YTHDF2: variants seen among roughly 807,000 people sequenced by gnomAD.
The protein encoded by YTHDF2 is YTH domain-containing family protein 2.
A neutral mutation model predicts 50.4 loss-of-function variants in YTHDF2; 2 were observed. That is an observed-to-expected ratio of 0.04 (90% CI 0.02 to 0.12). YTHDF2 has a LOEUF of 0.12. Ranked by LOEUF, YTHDF2 falls within the 10% of genes least tolerant of loss-of-function variation. The probability of loss-of-function intolerance (pLI) is 1.00; values close to 1 mark genes in which losing one functional copy is unlikely to be tolerated. For synonymous variants in YTHDF2, 217 were observed against 255.6 expected (o/e 0.85, Z 1.44); for missense variants, 483 against 722.6 (o/e 0.67, Z 3.80).
At chr1:28,745,497 G>GCTGAGGTGGGCAGATCAC (rs1370969921) in intron 4 of YTHDF2, among the ~76,000 whole-genome samples, 7 of 152,172 alleles carry the variant, frequency 4.6e-5, no homozygotes. Flanking sequence ...ACTTTGGGAG[G>GCTGAGGTGGGCAGATCAC]CTGAGGTGGG....
intron 4 of YTHDF2, among the ~76,000 whole-genome samples, chr1:28,754,496 C>T (rs1172128250): frequency 1.3e-5 from 2 of 151,812 alleles, no homozygotes; most frequent in South Asian, 2.1e-4. Context: ...CGCTACTGCA[C>T]TCCAGCCTGG....
intron 4 of YTHDF2, among the ~76,000 whole-genome samples, chr1:28,744,787 G>A (rs2087833960): frequency 6.6e-6 from 1 of 152,016 alleles, no homozygotes; most frequent in Admixed American, 6.6e-5. Flanking sequence ...CCCCATCTCA[G>A]CTTCGTGACT....
intron 4 of YTHDF2, among the ~76,000 whole-genome samples, chr1:28,748,203 AT>A (rs1403981617): frequency 6.6e-6 from 1 of 151,778 alleles, no homozygotes; most frequent in East Asian, 1.9e-4. Flanking sequence ...CCCAGTTACC[AT>A]TTTAGTTAGT....
chr1:28,738,218 G>T (rs759555737), intron 2 of YTHDF2, 41 bp from the exon 3 acceptor site: 7 of 1,478,006 alleles, frequency 4.7e-6, no homozygotes, highest in Non-Finnish European at 6.6e-6. Flanking sequence ...AAGGAAGATT[G>T]TAGGATTGGG....
At chr1:28,764,811 T>A (rs1273470196) in intron 4 of YTHDF2, among the ~76,000 whole-genome samples, 1 of 152,134 alleles carries the variant, frequency 6.6e-6, no homozygotes, top group Non-Finnish European at 1.5e-5. Context: ...CCTAGAGTGC[T>A]AGGATTACTC....
Position 28,742,413 on chromosome 1 carries a change from A to T in YTHDF2, c.143A>T (p.Tyr48Phe). ...LSPQARPNNA[Y>F]TAMSDSYLPS... ...TTTTTTCTTCCACAGAATAATGCAT[A>T]TACTGCCATGTCAGATTCCTACTTA... The change falls in exon 4 of 5, where the codon TAT becomes TTT. Residue 48 changes from tyrosine (Y) to phenylalanine (F), a missense_variant. By Grantham distance (22) the Tyr-to-Phe change is conservative. This residue lies in a region of YTHDF2 where 385 missense variants were observed against 475.8 expected (regional missense o/e 0.81). Transcript: ENST00000373812. 6.4e-7 allele frequency: 1 copy of T among 1,561,464 alleles called. No individual in the cohort carries two copies. Among genetic ancestry groups the T allele is most frequent in the Non-Finnish European group, 8.6e-7 (1 of 1,157,342 alleles).
intron 4 of YTHDF2, among the ~76,000 whole-genome samples, chr1:28,757,777 T>C (rs2088056160): frequency 6.6e-6 from 1 of 150,742 alleles, no homozygotes; most frequent in Admixed American, 6.6e-5. Flanking sequence ...ACAAAACTAC[T>C]CATCTTGGCA....
At chr1:28,739,393 C>T (rs1338439548) in intron 3 of YTHDF2, among the ~76,000 whole-genome samples, 1 of 150,874 alleles carries the variant, frequency 6.6e-6, no homozygotes, top group Non-Finnish European at 1.5e-5. Context: ...CGGCTCACTG[C>T]AACCTCTGCC....
Position 28,736,999 on chromosome 1 carries a change from C to T in YTHDF2, c.-122C>T. The T allele has an allele frequency of 7.8e-7, 1 of 1,288,018 alleles. No homozygotes were observed. The highest frequency in any genetic ancestry group is 2.7e-5 in the East Asian group (1 of 37,668). 79.8% of individuals were successfully genotyped at this position (1,288,018 alleles called of 1,614,324 possible). On this transcript the variant is annotated 5_prime_UTR_variant, in exon 1 of 5. Coordinates refer to ENST00000373812, the MANE Select transcript of YTHDF2 (RefSeq NM_016258.3). ...GCGCGCTGTGTCTCCGCTGCGTCCG[C>T]CGAGGCCCCCGAGTGTCAGGGACAA... is the stretch of plus-strand genomic sequence containing the variant.
In YTHDF2 at chr1:28,737,783, C is replaced by T. The variant is rs1214099431; in HGVS notation, c.52+101C>T. ...CCCCGGGCGGAGGACCTTTCGGAAG[C>T]CGCTTAGTTCGCAGGTGCCGCACAC... is the stretch of plus-strand genomic sequence containing the variant. On this transcript the variant is annotated intron_variant, in intron 2 of 4. Coordinates refer to ENST00000373812, the MANE Select transcript of YTHDF2 (RefSeq NM_016258.3). 3.5e-6 allele frequency: 5 copies of T among 1,428,158 alleles called. No individual in the cohort carries two copies. In the East Asian group the frequency reaches 7.0e-5, roughly 20 times the overall value. 88.5% of individuals were successfully genotyped at this position (1,428,158 alleles called of 1,614,324 possible). A position where few individuals can be genotyped will look rare whatever the true frequency, so the allele number is the denominator to read the frequency against.
chr1:28,737,493 C>A, intron 1 of YTHDF2, 165 bp from the exon 2 acceptor site: 1 of 974,680 alleles, frequency 1.0e-6, no homozygotes, highest in Non-Finnish European at 1.5e-6. Context: ...GGGCCTGGCG[C>A]TTTCCCCCGC....
chr1:28,764,832 C>T (rs1282691073), intron 4 of YTHDF2, among the ~76,000 whole-genome samples: 2 of 151,874 alleles, frequency 1.3e-5, no homozygotes, highest in African/African-American at 4.8e-5. Context: ...GGGTGATCCA[C>T]CGTGCCAGGC....
intron 3 of YTHDF2, among the ~76,000 whole-genome samples, 183 bp from the exon 4 acceptor site, chr1:28,742,220 C>G (rs1373219775): frequency 6.6e-6 from 1 of 151,982 alleles, no homozygotes; most frequent in African/African-American, 2.4e-5. Context: ...GTCTCGAGCT[C>G]CTGACCTCAG....
intron 3 of YTHDF2, among the ~76,000 whole-genome samples, chr1:28,738,778 C>A (rs1403344877): frequency 6.6e-6 from 1 of 152,166 alleles, no homozygotes; most frequent in African/African-American, 2.4e-5. Flanking sequence ...TTTCTCTGCC[C>A]TCTATCAGGA....
intron 4 of YTHDF2, among the ~76,000 whole-genome samples, chr1:28,747,952 C>T (rs1024760318): frequency 1.7e-4 from 25 of 151,210 alleles, no homozygotes; most frequent in Non-Finnish European, 3.7e-4. Flanking sequence ...GGTGAAACCC[C>T]GTCTCTATTA....
At chr1:28,760,271 T>TTGTGTGTGTGTG (rs28969505) in intron 4 of YTHDF2, among the ~76,000 whole-genome samples, 14 of 147,364 alleles carry the variant, frequency 9.5e-5, no homozygotes, top group South Asian at 2.2e-4. Context: ...ACATAGTAGG[T>TTGTGTGTGTGTG]TGTGTGTGTG....
chr1:28,766,899 C>G lies in YTHDF2; in HGVS notation c.1717-2030C>G, dbSNP rs549850169. 7.2e-4 allele frequency among the ~76,000 whole-genome samples: 109 copies of G among 150,758 alleles called. 2 individuals carry two copies. The South Asian group carries it at 0.018, about 25-fold the overall frequency. ...CCAGGCTGGAGTACAGTGGTGTGAT[C>G]AGGGCTCACTACAGCCTTGACCTCC... is the stretch of plus-strand genomic sequence containing the variant. On this transcript the variant is annotated intron_variant, in intron 4 of 4. Coordinates refer to ENST00000373812, the MANE Select transcript of YTHDF2 (RefSeq NM_016258.3).
intron 4 of YTHDF2, among the ~76,000 whole-genome samples, chr1:28,748,910 A>G (rs1012291814): frequency 1.3e-5 from 2 of 152,218 alleles, no homozygotes; most frequent in African/African-American, 4.8e-5. Context: ...TCTAATTAAA[A>G]TAACACTACA....
In YTHDF2 at chr1:28,742,648, C is replaced by T; in HGVS notation, c.378C>T (p.Pro126=). The change falls in exon 4 of 5, where the codon CCC becomes CCT. Residue 126 remains proline (P), a synonymous_variant. Coordinates refer to ENST00000373812, the MANE Select transcript of YTHDF2 (RefSeq NM_016258.3). ...GTCAGCATGGTTTTAATTTCTTTCC[C>T]AGTGGGATTGACTTCTCAGCATGGG... ...FLGQHGFNFF[P]SGIDFSAWGN... The T allele has an allele frequency of 1.2e-6, 2 of 1,614,116 alleles. No individual in the cohort carries two copies. Among genetic ancestry groups the T allele is most frequent in the Middle Eastern group, 1.6e-4 (1 of 6,062 alleles).
Sources: allele counts gnomAD v4.1 joint callset (sites outside exome capture counted in the v4.1 genomes callset), GRCh38; gene constraint gnomAD v4.1.1; regional missense constraint gnomAD v4.1.1; transcripts MANE v1.5; gene names NCBI Gene and HGNC (gene_info 2026-07-23, HGNC 2026-07-21).